Variants in ZNF783 observed in about 807,000 individuals in gnomAD.
ZNF783 encodes zinc finger protein 783.
A neutral mutation model predicts 31.3 loss-of-function variants in ZNF783; 25 were observed. That is an observed-to-expected ratio of 0.80 (90% CI 0.58 to 1.11). ZNF783 has a LOEUF of 1.11. Among genes scored for constraint, ZNF783 ranks in the 50% most tolerant of loss-of-function variants. The probability of loss-of-function intolerance (pLI) is 0.00; values close to 1 mark genes in which losing one functional copy is unlikely to be tolerated. For missense variants in ZNF783, 797 were observed against 760.0 expected, an observed-to-expected ratio of 1.05 and a Z score of -0.57; for synonymous variants, 369 against 319.1, an observed-to-expected ratio of 1.16 and a Z score of -1.66.
At chr7:149,280,164 C>T (rs1797431129) in intron 5 of ZNF783, among the ~76,000 whole-genome samples, 1 of 146,172 alleles carries the variant, frequency 6.8e-6, no homozygotes, top group Non-Finnish European at 1.5e-5. Flanking sequence ...CCCCACCTCC[C>T]TCCCGGACGG....
In ZNF783 at chr7:149,267,172, A is replaced by G; in HGVS notation, c.623A>G (p.Gln208Arg). 6.3e-7 allele frequency: 1 copy of G among 1,599,278 alleles called. No individual in the cohort carries two copies. The highest frequency in any genetic ancestry group is 8.5e-7 in the Non-Finnish European group (1 of 1,179,696). The change falls in exon 4 of 6, where the codon CAG becomes CGG. Residue 208 changes from glutamine to arginine, a missense_variant. By Grantham distance (43) the Gln-to-Arg change is conservative. Coordinates refer to ENST00000434415, the MANE Select transcript of ZNF783 (RefSeq NM_001195220.2). ...GEEPCLDRWG[Q>R]EKGNEVEVGR... ...GAGCCTTGTCTTGACCGGTGGGGCC[A>G]GGAGAAGGGGAATGAAGTAGAGGTG...
At chr7:149,268,055 C>T (rs1797126262) in intron 4 of ZNF783, among the ~76,000 whole-genome samples, 2 of 152,192 alleles carry the variant, frequency 1.3e-5, no homozygotes, top group South Asian at 2.1e-4. Context: ...TCACAATCCT[C>T]TGGGGAGCTT....
Position 149,263,052 on chromosome 7 carries a change from C to T in ZNF783, c.24+695C>T, listed in dbSNP as rs528349713. ...CAAGGGATTCTCCTGCCTCAGCCTC[C>T]CAAGTAGCTGGGACTACAGGCGCCT... On this transcript the variant is annotated intron_variant, in intron 1 of 5. Transcript: ENST00000434415. 2.0e-3 allele frequency among the ~76,000 whole-genome samples: 301 copies of T among 151,948 alleles called. 1 individual carries two copies. Among genetic ancestry groups the T allele is most frequent in the African/African-American group, 6.8e-3 (281 of 41,454 alleles).
intron 4 of ZNF783, 65 bp downstream of exon 4, chr7:149,267,287 C>T: frequency 6.6e-7 from 1 of 1,518,074 alleles, no homozygotes; most frequent in South Asian, 1.3e-5. Flanking sequence ...CGCCTACCCT[C>T]TCGGGCTTCC....
At chr7:149,268,192 T>C (rs1797130678) in intron 4 of ZNF783, among the ~76,000 whole-genome samples, 1 of 152,258 alleles carries the variant, frequency 6.6e-6, no homozygotes, top group African/African-American at 2.4e-5. Flanking sequence ...ACCCTTTTCC[T>C]GAACAATGAC....
chr7:149,262,931 A>AT lies in ZNF783; in HGVS notation c.24+585dup, dbSNP rs201759809. On this transcript the variant is annotated intron_variant, in intron 1 of 5. Transcript: ENST00000434415. ...AGATTACTGTAGCAGATTTTATTTAATTTTTTTTTTTGAGAGGGAGTCTCG... is the reference window on the plus strand; with the variant it reads ...AGATTACTGTAGCAGATTTTATTTAATTTTTTTTTTTTGAGAGGGAGTCTCG... 4.3e-3 allele frequency among the ~76,000 whole-genome samples: 645 copies of AT among 149,468 alleles called. 12 individuals carry two copies. In the East Asian group the frequency reaches 0.048, roughly 11 times the overall value.
chr7:149,274,199 G>A (rs966930508), intron 4 of ZNF783, among the ~76,000 whole-genome samples: 1 of 152,066 alleles, frequency 6.6e-6, no homozygotes, highest in African/African-American at 2.4e-5. Flanking sequence ...TTGATAGTTC[G>A]AGGTCTTATA....
chr7:149,262,217 C>A lies in ZNF783; in HGVS notation c.-117C>A. 2.1e-6 allele frequency: 2 copies of A among 959,250 alleles called. No homozygotes were observed. Among genetic ancestry groups the A allele is most frequent in the South Asian group, 2.8e-5 (1 of 36,082 alleles). 59.4% of individuals were successfully genotyped at this position (959,250 alleles called of 1,614,324 possible). A position where few individuals can be genotyped will look rare whatever the true frequency, so the allele number is the denominator to read the frequency against. The stretch of plus-strand genomic sequence containing the variant: ...GCTCGGGACGCAGTTCGCTGCCGCC[C>A]GGCAGTAGCTCTCAGGTTAGGCGGG... On this transcript the variant is annotated 5_prime_UTR_variant, in exon 1 of 6. Coordinates refer to ENST00000434415, the MANE Select transcript of ZNF783 (RefSeq NM_001195220.2).
chr7:149,279,923 C>G lies in ZNF783; in HGVS notation c.802+1396C>G, dbSNP rs549810986. On this transcript the variant is annotated intron_variant, in intron 5 of 5. Coordinates refer to ENST00000434415, the MANE Select transcript of ZNF783 (RefSeq NM_001195220.2). ...TTCTCAATCTTTTCCCCACCTTTCCCCCCTTTCTATTCCACAAAACCGCCA... is the reference window on the plus strand; with the variant it reads ...TTCTCAATCTTTTCCCCACCTTTCCGCCCTTTCTATTCCACAAAACCGCCA... Among the ~76,000 whole-genome samples the G allele has an allele frequency of 1.3e-4, 20 of 152,260 alleles. No individual in the cohort carries two copies. In the South Asian group the frequency reaches 4.1e-3, roughly 32 times the overall value.
intron 4 of ZNF783, among the ~76,000 whole-genome samples, chr7:149,267,566 G>C (rs1429699261): frequency 1.3e-5 from 2 of 152,226 alleles, no homozygotes; most frequent in Non-Finnish European, 2.9e-5. Context: ...GGGAGGCTGA[G>C]GCGGGCGGAT....
intron 4 of ZNF783, chr7:149,276,195 T>A (rs1295333228): frequency 2.7e-6 from 1 of 370,492 alleles, no homozygotes; most frequent in Non-Finnish European, 3.7e-6. Context: ...CCGGCCTTAT[T>A]TTCAATTCTT....
intron 4 of ZNF783, among the ~76,000 whole-genome samples, chr7:149,273,319 A>G (rs1585614484): frequency 6.6e-6 from 1 of 151,712 alleles, no homozygotes; most frequent in African/African-American, 2.4e-5. Flanking sequence ...TTTTTGAGGC[A>G]CCTCCATACT....
intron 4 of ZNF783, among the ~76,000 whole-genome samples, chr7:149,275,384 C>G (rs1046258390): frequency 2.6e-5 from 4 of 151,354 alleles, no homozygotes; most frequent in African/African-American, 7.3e-5. Context: ...GCGATCTTGG[C>G]TCACTGCAAG....
chr7:149,267,290 G>C (rs895465656), intron 4 of ZNF783, 68 bp downstream of exon 4: 2 of 1,514,624 alleles, frequency 1.3e-6, no homozygotes, highest in African/African-American at 1.4e-5. Flanking sequence ...CTACCCTCTC[G>C]GGCTTCCCAG....
intron 4 of ZNF783, chr7:149,278,167 C>G: frequency 1.5e-6 from 2 of 1,307,618 alleles, no homozygotes; most frequent in South Asian, 1.7e-5. Context: ...CGATCATTAC[C>G]GTGATTTCCT....
At chr7:149,268,526 C>T (rs906484447) in intron 4 of ZNF783, among the ~76,000 whole-genome samples, 28 of 152,142 alleles carry the variant, frequency 1.8e-4, no homozygotes, top group African/African-American at 5.8e-4. Context: ...CATACACCTG[C>T]GGGTTTGTTA....
chr7:149,262,242 G>A lies in ZNF783; in HGVS notation c.-92G>A, dbSNP rs1796941250. On this transcript the variant is annotated 5_prime_UTR_variant, in exon 1 of 6. Coordinates refer to ENST00000434415, the MANE Select transcript of ZNF783 (RefSeq NM_001195220.2). ...CGGCAGTAGCTCTCAGGTTAGGCGG[G>A]TCCCGCTCCGCTTCCGCCGTCGCTG... is the stretch of plus-strand genomic sequence containing the variant. 14 of 1,206,424 alleles carry A rather than the reference G, an allele frequency of 1.2e-5. No homozygotes were observed. In the South Asian group the frequency reaches 2.7e-4, roughly 23 times the overall value. 74.7% of individuals were successfully genotyped at this position (1,206,424 alleles called of 1,614,324 possible).
Position 149,267,100 on chromosome 7 carries a change from A to ATGGTT in ZNF783, c.553_554insGTTTG (p.Ala185GlyfsTer13), listed in dbSNP as rs1354316151. On this transcript the variant is annotated frameshift_variant, in exon 4 of 6. Coordinates refer to ENST00000434415, the MANE Select transcript of ZNF783 (RefSeq NM_001195220.2). LOFTEE classifies it high-confidence loss of function. Reference sequence around the variant, plus strand: ...TCATTTCTTGTTCTGTGCACAGATTATGCAATCTCCAAACCAGACATCCTC... The same window carrying ATGGTT: ...TCATTTCTTGTTCTGTGCACAGATTATGGTTTGCAATCTCCAAACCAGACATCCTC... 6.2e-7 allele frequency: 1 copy of ATGGTT among 1,600,854 alleles called. No individual in the cohort carries two copies. Among genetic ancestry groups the ATGGTT allele is most frequent in the Admixed American group, 1.7e-5 (1 of 60,006 alleles).
At position 149,282,124 on chromosome 7, in the gene ZNF783, C is replaced by A; in HGVS notation, c.1422C>A (p.Ala474=). The change falls in exon 6 of 6, where the codon GCC becomes GCA. Residue 474 remains alanine (A), a synonymous_variant. Transcript: ENST00000434415. ...CCGCCTGCCCCTACTGCGGCAAGGC[C>A]TTCCGCCGGCCCTCGGACCTCTTCC... ...GWPACPYCGK[A]FRRPSDLFRH... The A allele has an allele frequency of 1.9e-6, 3 of 1,599,052 alleles. No individual in the cohort carries two copies. Among genetic ancestry groups the A allele is most frequent in the Non-Finnish European group, 2.5e-6 (3 of 1,179,262 alleles).
Sources: gnomAD v4.1 joint callset for allele counts (sites outside exome capture counted in the v4.1 genomes callset) on GRCh38, gnomAD v4.1.1 for gene constraint, MANE v1.5 for transcripts, NCBI Gene and HGNC (gene_info 2026-07-23, HGNC 2026-07-21) for gene names.